Variants in PSMG2 observed in about 807,000 individuals in gnomAD.
The protein encoded by PSMG2 is proteasome assembly chaperone 2.
A neutral mutation model predicts 31.5 loss-of-function variants in PSMG2; 21 were observed. The ratio of observed to expected loss-of-function variants is 0.67; its 90% CI spans 0.47 to 0.96. The LOEUF is 0.96. Ranked by LOEUF, PSMG2 falls within the 40% of genes least tolerant of loss-of-function variation. The probability of loss-of-function intolerance (pLI) is 0.00; values close to 1 mark genes in which losing one functional copy is unlikely to be tolerated. For missense variants in PSMG2, 318 were observed against 321.2 expected, an observed-to-expected ratio of 0.99 and a Z score of 0.08; for synonymous variants, 120 against 110.4, an observed-to-expected ratio of 1.09 and a Z score of -0.54.
chr18:12,704,703 G>A (rs2040246392), intron 1 of PSMG2, among the ~76,000 whole-genome samples: 1 of 152,304 alleles, frequency 6.6e-6, no homozygotes, highest in East Asian at 1.9e-4. Flanking sequence ...AGGGCTATGT[G>A]GGGTCAAGGG....
chr18:12,662,530 C>G (rs2038714291), intron 1 of PSMG2, among the ~76,000 whole-genome samples: 1 of 152,198 alleles, frequency 6.6e-6, no homozygotes, highest in Non-Finnish European at 1.5e-5. Context: ...AATCCCAGCA[C>G]TTTGGGAGGC....
chr18:12,700,883 C>G (rs1209878666), upstream of PSMG2: 1 of 1,249,260 alleles, frequency 8.0e-7, no homozygotes, highest in African/African-American at 1.5e-5. Flanking sequence ...GGCCCCACAT[C>G]GGAACCTTAT....
Position 12,703,180 on chromosome 18 carries a change from C to G in PSMG2, c.57+16C>G. On this transcript the variant is annotated intron_variant, in intron 1 of 6. Transcript: ENST00000317615. The stretch of plus-strand genomic sequence containing the variant: ...CCTCCTAATGGTGAGTCTCCATTTG[C>G]GCTCGGGGCTGCCGCCTCCCGAGGC... The G allele has an allele frequency of 6.2e-7, 1 of 1,601,906 alleles. No individual in the cohort carries two copies. The highest frequency in any genetic ancestry group is 8.5e-7 in the Non-Finnish European group (1 of 1,174,756).
At chr18:12,666,196 C>T (rs2038799994) in intron 1 of PSMG2, among the ~76,000 whole-genome samples, 1 of 151,448 alleles carries the variant, frequency 6.6e-6, no homozygotes. Context: ...GTCATGGTGG[C>T]ATACACCTAT....
At position 12,673,347 on chromosome 18, in the gene PSMG2, C is replaced by G. The variant is rs200869233; in HGVS notation, c.-37+14574C>G. 3.8e-4 allele frequency: 600 copies of G among 1,591,312 alleles called. 1 individual carries two copies. Among genetic ancestry groups the G allele is most frequent in the Non-Finnish European group, 4.8e-4 (561 of 1,172,914 alleles). ...ATTCCAATTAAACACAGGTATAAAT[C>G]TTATATAAATATTGGCCCTATAATA... On this transcript the variant is annotated intron_variant, in intron 1 of 6. Coordinates refer to the PSMG2 transcript ENST00000585331.
At chr18:12,695,381 G>C in intron 1 of PSMG2, 1 of 1,088,318 alleles carries the variant, frequency 9.2e-7, no homozygotes, top group South Asian at 1.4e-5. Context: ...GAACTTCAGA[G>C]ATTTCAATAC....
chr18:12,673,706 C>T (rs1008620959), intron 1 of PSMG2, among the ~76,000 whole-genome samples: 1 of 151,940 alleles, frequency 6.6e-6, no homozygotes, highest in Non-Finnish European at 1.5e-5. Flanking sequence ...ATAGTGAAAC[C>T]CCGCCTCTAC....
At chr18:12,677,996 A>C (rs1403645630) in intron 1 of PSMG2, 4 of 725,966 alleles carry the variant, frequency 5.5e-6, no homozygotes, top group Non-Finnish European at 9.2e-6. Flanking sequence ...TAGGGACTGT[A>C]GTTGTTTTGT....
chr18:12,697,465 T>C (rs1568032225), intron 1 of PSMG2: 5 of 1,135,936 alleles, frequency 4.4e-6, no homozygotes, highest in Non-Finnish European at 6.2e-6. Context: ...TAGGCCAACA[T>C]AAAAGAATAC....
intron 1 of PSMG2, among the ~76,000 whole-genome samples, chr18:12,694,402 A>C (rs983566865): frequency 1.3e-5 from 2 of 152,096 alleles, no homozygotes; most frequent in African/African-American, 2.4e-5. Flanking sequence ...GATAATGAGA[A>C]CCTCCAAACT....
In PSMG2 at chr18:12,667,383, G is replaced by GGT. The variant is rs2038823867; in HGVS notation, c.-37+8613_-37+8614dup. Among the ~76,000 whole-genome samples, 6 of 152,206 alleles carry GGT rather than the reference G, an allele frequency of 3.9e-5. No individual in the cohort carries two copies. The South Asian group carries it at 1.0e-3, about 26-fold the overall frequency. On this transcript the variant is annotated intron_variant, in intron 1 of 6. Transcript: ENST00000585331. ...GAGGCCAGAGGATCCGTTGAGCCCA[G>GGT]GTGTTCAAGGCTGCAGTGAGCTATG...
intron 1 of PSMG2, chr18:12,691,249 C>T (rs780320870): frequency 3.3e-5 from 22 of 665,126 alleles, no homozygotes; most frequent in Non-Finnish European, 4.8e-5. Flanking sequence ...TTTACAAATA[C>T]ACTTTTATTT....
At position 12,666,437 on chromosome 18, in the gene PSMG2, T is replaced by TA. The variant is rs35427417; in HGVS notation, c.-37+7664_-37+7665insA. On this transcript the variant is annotated intron_variant, in intron 1 of 6. Coordinates refer to the PSMG2 transcript ENST00000585331. Reference sequence around the variant, plus strand: ...TTTCAGGGTTAACAAAATTTTATGGTTTTTTTTTTTTTTTTTTTGTGAGGT... The same window carrying TA: ...TTTCAGGGTTAACAAAATTTTATGGTATTTTTTTTTTTTTTTTTTGTGAGGT... 3.3e-3 allele frequency among the ~76,000 whole-genome samples: 197 copies of TA among 60,088 alleles called. 5 individuals are homozygous for TA. The highest frequency in any genetic ancestry group is 8.8e-3 in the East Asian group (33 of 3,766). The allele number at this position is 60,088 out of a possible 152,430, so 39.4% of individuals were successfully genotyped here.
Position 12,686,290 on chromosome 18 carries a change from G to A in PSMG2, c.-36-20260G>A, listed in dbSNP as rs770036587. On this transcript the variant is annotated intron_variant, in intron 1 of 6. Transcript: ENST00000585331. The stretch of plus-strand genomic sequence containing the variant: ...GTTTCTACAGAGAAAGGCCAGCAGA[G>A]TGCACCACTGCTCCTGTTTACCTCC... The A allele has an allele frequency of 1.2e-5, 20 of 1,613,910 alleles. No individual in the cohort carries two copies. Among genetic ancestry groups the A allele is most frequent in the Non-Finnish European group, 1.7e-5 (20 of 1,179,942 alleles).
chr18:12,688,010 A>G (rs566830715), intron 1 of PSMG2, among the ~76,000 whole-genome samples: 19 of 151,952 alleles, frequency 1.3e-4, no homozygotes, highest in Non-Finnish European at 2.4e-4. Context: ...TTGGGAGGCC[A>G]AGGTGGGTGG....
chr18:12,671,638 CTTTCTTTTTT>C (rs1178386300), intron 1 of PSMG2, among the ~76,000 whole-genome samples: 10 of 82,954 alleles, frequency 1.2e-4, no homozygotes, highest in African/African-American at 3.2e-4. Flanking sequence ...AGGTTTCACA[CTTTCTTTTTT>C]TTTTTTTTTT....
upstream of PSMG2, among the ~76,000 whole-genome samples, chr18:12,701,859 G>C (rs2040164419): frequency 1.3e-5 from 2 of 152,352 alleles, no homozygotes; most frequent in South Asian, 2.1e-4. Context: ...TGCCGGGCGC[G>C]GAGGCTCACG....
chr18:12,672,996 T>A (rs2038985695), intron 1 of PSMG2: 1 of 992,782 alleles, frequency 1.0e-6, no homozygotes, highest in East Asian at 1.1e-4. Context: ...ATGATCATAC[T>A]GATTTGTCTA....
At chr18:12,693,190 T>C (rs2145079430) in intron 1 of PSMG2, among the ~76,000 whole-genome samples, 1 of 152,314 alleles carries the variant, frequency 6.6e-6, no homozygotes, top group South Asian at 2.1e-4. Context: ...AATAAACTTA[T>C]GTTTTAGTCA....
Sources: gnomAD v4.1 joint callset for allele counts (sites outside exome capture counted in the v4.1 genomes callset) on GRCh38, gnomAD v4.1.1 for gene constraint, MANE v1.5 for transcripts, NCBI Gene and HGNC (gene_info 2026-07-23, HGNC 2026-07-21) for gene names.